EYS: variants seen among roughly 807,000 people sequenced by gnomAD.
EYS encodes EGF-like photoreceptor maintenance factor, also known as protein eyes shut homolog.
Under a neutral mutation model 282.1 loss-of-function variants are expected in EYS, and 250 were observed. That is an observed-to-expected ratio of 0.89 (90% CI 0.80 to 0.98). EYS has a LOEUF of 0.98. Among genes scored for constraint, EYS ranks in the 50% least tolerant of loss-of-function variants. The pLI is 0.00. For synonymous variants in EYS, 1,355 were observed against 1,282.9 expected (o/e 1.06, Z -1.20); for missense variants, 4,016 against 3,709.0 (o/e 1.08, Z -2.15).
chr6:65,044,644 C>T (rs1773045203), intron 13 of EYS, among the ~76,000 whole-genome samples: 1 of 151,792 alleles, frequency 6.6e-6, no homozygotes, highest in African/African-American at 2.4e-5. Context: ...GATGTTATCA[C>T]ATCTGAACTC....
intron 12 of EYS, among the ~76,000 whole-genome samples, chr6:65,061,432 G>A (rs545281236): frequency 1.3e-5 from 2 of 151,820 alleles, no homozygotes; most frequent in East Asian, 1.9e-4. Context: ...TAAGCAGAGG[G>A]TACAAAGATT....
intron 26 of EYS, among the ~76,000 whole-genome samples, chr6:64,557,687 C>T (rs572494169): frequency 5.9e-5 from 9 of 151,914 alleles, no homozygotes; most frequent in African/African-American, 9.6e-5. Context: ...AAAAGTTTAA[C>T]GGTAAATTAT....
At chr6:65,535,152 T>C (rs993024826) in intron 2 of EYS, among the ~76,000 whole-genome samples, 5 of 152,120 alleles carry the variant, frequency 3.3e-5, no homozygotes, top group Admixed American at 6.6e-5. Flanking sequence ...GGATAGCTGA[T>C]GTTTTAATCT....
intron 26 of EYS, among the ~76,000 whole-genome samples, chr6:64,534,167 C>T (rs565118288): frequency 1.3e-5 from 2 of 151,688 alleles, no homozygotes; most frequent in Admixed American, 1.3e-4. Context: ...AAATTTAGAT[C>T]TCTAAATTAT....
chr6:64,237,447 A>G (rs1766651767), intron 30 of EYS, among the ~76,000 whole-genome samples: 1 of 151,990 alleles, frequency 6.6e-6, no homozygotes, highest in African/African-American at 2.4e-5. Context: ...ACCTATGTCT[A>G]TATCTACATC....
At chr6:63,933,613 G>A (rs986677213) in intron 35 of EYS, among the ~76,000 whole-genome samples, 1 of 152,114 alleles carries the variant, frequency 6.6e-6, no homozygotes, top group South Asian at 2.1e-4. Context: ...CCAGAGGTCT[G>A]GGGTGGGGCT....
At chr6:65,676,137 T>A (rs1361958234) in intron 1 of EYS, among the ~76,000 whole-genome samples, 2 of 151,422 alleles carry the variant, frequency 1.3e-5, no homozygotes, top group Non-Finnish European at 3.0e-5. Flanking sequence ...AGAAAAGGTA[T>A]CTCAAATAAA....
intron 36 of EYS, among the ~76,000 whole-genome samples, chr6:63,813,161 G>A (rs989327957): frequency 1.3e-5 from 2 of 151,804 alleles, no homozygotes; most frequent in Admixed American, 1.3e-4. Flanking sequence ...GTATTTTTTT[G>A]TAGAGATGGG....
In EYS at chr6:63,820,815, G is replaced by C. The variant is rs1420692499; in HGVS notation, c.7229-14443C>G. ...GATCTATTTGTATCTTACTATGCCA[G>C]TACCACACTGATAACGATGATAGTA... On this transcript the variant is annotated intron_variant, in intron 36 of 42. Coordinates refer to ENST00000503581, the MANE Select transcript of EYS (RefSeq NM_001142800.2). 2.6e-5 allele frequency among the ~76,000 whole-genome samples: 4 copies of C among 152,086 alleles called. 1 individual carries two copies. Among genetic ancestry groups the C allele is most frequent in the Admixed American group, 2.6e-4 (4 of 15,254 alleles).
chr6:64,500,963 C>T (rs1296830942), intron 26 of EYS, among the ~76,000 whole-genome samples: 1 of 150,780 alleles, frequency 6.6e-6, no homozygotes, highest in Non-Finnish European at 1.5e-5. Context: ...AACAGATTGG[C>T]ATTGGCACAA....
At position 64,510,793 on chromosome 6, in the gene EYS, T is replaced by C. The variant is rs1320696148; in HGVS notation, c.5645-71441A>G. On this transcript the variant is annotated intron_variant, in intron 26 of 42. Transcript: ENST00000503581. ...AGAGAATCTGTGCATCTCTCACATA[T>C]GTGTTAGCGGAAAGAAACCAGTAAA... 2.0e-5 allele frequency among the ~76,000 whole-genome samples: 3 copies of C among 152,178 alleles called. No individual in the cohort carries two copies. In the East Asian group the frequency reaches 5.8e-4, roughly 29 times the overall value.
intron 35 of EYS, among the ~76,000 whole-genome samples, chr6:63,950,480 C>T (rs1207740040): frequency 6.6e-6 from 1 of 152,030 alleles, no homozygotes; most frequent in Non-Finnish European, 1.5e-5. Flanking sequence ...CCACCCCTAT[C>T]TCCCTTCTCT....
Position 65,677,973 on chromosome 6 carries a change from G to A in EYS, c.-448+29162C>T, listed in dbSNP as rs780193688. Among the ~76,000 whole-genome samples the A allele has an allele frequency of 5.9e-5, 9 of 152,136 alleles. No homozygotes were observed. In the South Asian group the frequency reaches 6.2e-4, roughly 11 times the overall value. On this transcript the variant is annotated intron_variant, in intron 1 of 42. Coordinates refer to ENST00000503581, the MANE Select transcript of EYS (RefSeq NM_001142800.2). ...AGTCCATTGTTGTGTTGCTGTAAAGGAATAGTGGAGGCTGGGTAATTTATA... is the reference window on the plus strand; with the variant it reads ...AGTCCATTGTTGTGTTGCTGTAAAGAAATAGTGGAGGCTGGGTAATTTATA...
chr6:64,969,348 T>A (rs930693707), intron 14 of EYS, among the ~76,000 whole-genome samples: 1 of 152,172 alleles, frequency 6.6e-6, no homozygotes. Flanking sequence ...GCAAATGCAG[T>A]ATCACACACA....
chr6:65,661,145 T>A (rs1408820607), intron 1 of EYS, among the ~76,000 whole-genome samples: 1 of 151,912 alleles, frequency 6.6e-6, no homozygotes, highest in Admixed American at 6.6e-5. Flanking sequence ...ATGGTCTTCC[T>A]TACCAAAGGA....
In EYS at chr6:65,026,675, T is replaced by C. The variant is rs1192148382; in HGVS notation, c.2138-28972A>G. ...GCTCTCTCCTGTAATCCCAGCACTT[T>C]GGGAGGCCGAGACAGGCAGATCACA... is the stretch of plus-strand genomic sequence containing the variant. On this transcript the variant is annotated intron_variant, in intron 13 of 42. Coordinates refer to ENST00000503581, the MANE Select transcript of EYS (RefSeq NM_001142800.2). 2.6e-5 allele frequency among the ~76,000 whole-genome samples: 4 copies of C among 152,132 alleles called. No individual in the cohort carries two copies. In the East Asian group the frequency reaches 7.7e-4, roughly 29 times the overall value.
At chr6:65,637,699 G>A (rs1767138556) in intron 2 of EYS, among the ~76,000 whole-genome samples, 1 of 152,206 alleles carries the variant, frequency 6.6e-6, no homozygotes, top group South Asian at 2.1e-4. Flanking sequence ...CCAAGCCTGG[G>A]CACTGTTGCA....
chr6:64,216,183 T>C (rs1444892273), intron 31 of EYS, among the ~76,000 whole-genome samples: 1 of 152,184 alleles, frequency 6.6e-6, no homozygotes, highest in African/African-American at 2.4e-5. Context: ...AAGTCAGTAA[T>C]GGATCTAGAT....
chr6:65,105,556 A>G (rs562227152), intron 12 of EYS, among the ~76,000 whole-genome samples: 1 of 151,992 alleles, frequency 6.6e-6, no homozygotes, highest in South Asian at 2.1e-4. Context: ...ATGACTATAC[A>G]TTTTTACATT....
Sources: allele counts gnomAD v4.1 joint callset (sites outside exome capture counted in the v4.1 genomes callset), GRCh38; gene constraint gnomAD v4.1.1; transcripts MANE v1.5; gene names NCBI Gene and HGNC (gene_info 2026-07-23, HGNC 2026-07-21).